The following AGPAT3 variants were observed in gnomAD, a reference collection of about 807,000 sequenced individuals.
AGPAT3 encodes the protein 1-acylglycerol-3-phosphate O-acyltransferase 3.
AGPAT3 carries 5 observed loss-of-function variants against 47.3 expected under a neutral mutation model. That is an observed-to-expected ratio of 0.11 (90% CI 0.06 to 0.22). AGPAT3 has a LOEUF of 0.22. AGPAT3 is among the 10% of genes least tolerant of loss of function. The pLI, the probability that AGPAT3 is intolerant of heterozygous loss-of-function variation, is 1.00. For missense variants in AGPAT3, 315 were observed against 493.0 expected (o/e 0.64, Z 3.42); for synonymous variants, 212 against 208.3 (o/e 1.02, Z -0.15).
At position 43,885,306 on chromosome 21, in the gene AGPAT3, T is replaced by C. The variant is rs563343198; in HGVS notation, c.-111-18651T>C. 3.3e-5 allele frequency among the ~76,000 whole-genome samples: 5 copies of C among 152,372 alleles called. No homozygotes were observed. The South Asian group carries it at 1.0e-3, about 32-fold the overall frequency. On this transcript the variant is annotated intron_variant, in intron 1 of 9. Coordinates refer to ENST00000291572, the MANE Select transcript of AGPAT3 (RefSeq NM_020132.5). ...CGGAGACTCACTTCTCTGCTTCGTG[T>C]GTTCCTAGTTGGTCTCCAGTTCTTG...
chr21:43,928,382 C>T (rs867815897), intron 2 of AGPAT3, among the ~76,000 whole-genome samples: 11 of 152,286 alleles, frequency 7.2e-5, no homozygotes, highest in Admixed American at 3.3e-4. Context: ...GGGGGGCAGC[C>T]GAGTTCTGTT....
chr21:43,967,689 C>A (rs973290114), intron 3 of AGPAT3: 3 of 460,784 alleles, frequency 6.5e-6, no homozygotes, highest in African/African-American at 2.0e-5. Context: ...CGTAATTGGG[C>A]GTAAAGATCA....
intron 1 of AGPAT3, among the ~76,000 whole-genome samples, chr21:43,903,063 A>G (rs1345427114): frequency 6.6e-6 from 1 of 152,222 alleles, no homozygotes; most frequent in East Asian, 1.9e-4. Context: ...CTGTAGTGGA[A>G]TATTATCCAG....
chr21:43,884,918 C>G (rs996462987), intron 1 of AGPAT3, among the ~76,000 whole-genome samples: 1 of 152,238 alleles, frequency 6.6e-6, no homozygotes, highest in Admixed American at 6.5e-5. Context: ...TCTGCTCTCT[C>G]CCTTCTCCCA....
chr21:43,958,569 CGT>C (rs1460510791), intron 2 of AGPAT3, among the ~76,000 whole-genome samples: 1 of 139,356 alleles, frequency 7.2e-6, no homozygotes, highest in East Asian at 2.2e-4. Context: ...GTGCGTGTGG[CGT>C]GTGTGTGGTT....
rs2030260138 is a variant in AGPAT3, at chr21:43,986,064, C to T, written c.*3672C>T. On this transcript the variant is annotated 3_prime_UTR_variant, in exon 10 of 10. Coordinates refer to ENST00000291572, the MANE Select transcript of AGPAT3 (RefSeq NM_020132.5). ...CCCTGGCTCTGCCCCATACCCCTGC[C>T]GTGGGGCCGACCTGGGGGATGCAGA... 2 of 152,252 alleles carry T rather than the reference C, an allele frequency of 1.3e-5. No individual in the cohort carries two copies. Among genetic ancestry groups the T allele is most frequent in the Admixed American group, 6.5e-5 (1 of 15,286 alleles). The allele number at this position is 152,252 out of a possible 1,614,324, so 9.4% of individuals were successfully genotyped here.
At chr21:43,921,452 G>A (rs575782981) in intron 2 of AGPAT3, among the ~76,000 whole-genome samples, 1 of 152,292 alleles carries the variant, frequency 6.6e-6, no homozygotes, top group East Asian at 1.9e-4. Flanking sequence ...CACAAGCTAG[G>A]ATCAGCATCC....
At chr21:43,898,935 C>A (rs1327050458) in intron 1 of AGPAT3, among the ~76,000 whole-genome samples, 1 of 151,574 alleles carries the variant, frequency 6.6e-6, no homozygotes, top group East Asian at 1.9e-4. Context: ...ACGCTGGTCT[C>A]AAATTCCTGA....
rs140291039 is a variant in AGPAT3, at chr21:43,921,888, G to C, written c.-49+17869G>C. Among the ~76,000 whole-genome samples the C allele has an allele frequency of 2.4e-3, 361 of 152,206 alleles. 4 individuals are homozygous for C. The East Asian group carries it at 0.056, about 24-fold the overall frequency. ...CACCCCAAGCTGGGTGTCTGGGGAC[G>C]GCGGGCCTGTCTCCCCCACCAAGGT... On this transcript the variant is annotated intron_variant, in intron 2 of 9. Coordinates refer to ENST00000291572, the MANE Select transcript of AGPAT3 (RefSeq NM_020132.5).
intron 2 of AGPAT3, among the ~76,000 whole-genome samples, chr21:43,941,750 C>A (rs567071282): frequency 6.6e-6 from 1 of 152,250 alleles, no homozygotes; most frequent in South Asian, 2.1e-4. Flanking sequence ...AGCGAGCGGG[C>A]GACTCTGGCA....
chr21:43,944,869 G>A (rs2087813386), intron 2 of AGPAT3, among the ~76,000 whole-genome samples: 1 of 152,250 alleles, frequency 6.6e-6, no homozygotes, highest in African/African-American at 2.4e-5. Context: ...AGAACAGCAA[G>A]TGCGGGAGGT....
intron 7 of AGPAT3, among the ~76,000 whole-genome samples, chr21:43,974,062 G>GGT (rs1038879622): frequency 4.6e-5 from 7 of 151,836 alleles, no homozygotes; most frequent in Non-Finnish European, 8.8e-5. Context: ...GGCATGTGTG[G>GGT]GTGTGTGTGT....
chr21:43,944,831 G>A (rs1329646546), intron 2 of AGPAT3, among the ~76,000 whole-genome samples: 1 of 152,252 alleles, frequency 6.6e-6, no homozygotes, highest in African/African-American at 2.4e-5. Flanking sequence ...CAGTGTCAGC[G>A]CTTTTCCATG....
At chr21:43,910,560 G>A (rs982973530) in intron 2 of AGPAT3, among the ~76,000 whole-genome samples, 6 of 152,194 alleles carry the variant, frequency 3.9e-5, no homozygotes, top group Non-Finnish European at 5.9e-5. Flanking sequence ...AAGGTGGAGC[G>A]GAGGGCCGAG....
In AGPAT3 at chr21:43,932,445, T is replaced by C. The variant is rs1234072482; in HGVS notation, c.-48-27189T>C. Among the ~76,000 whole-genome samples, 2 of 152,224 alleles carry C rather than the reference T, an allele frequency of 1.3e-5. No individual in the cohort carries two copies. Among genetic ancestry groups the C allele is most frequent in the Non-Finnish European group, 1.5e-5 (1 of 68,044 alleles). On this transcript the variant is annotated intron_variant, in intron 2 of 9. Coordinates refer to ENST00000291572, the MANE Select transcript of AGPAT3 (RefSeq NM_020132.5). This position sits in a 1 kb window ranked among gnomAD's most constrained non-coding sequence, Gnocchi z 5.2. ...GATGTTGCCAGTGACAGGACTTCCT[T>C]CTTCCTTATGGCTGAATAATAACAC...
chr21:43,899,011 C>T (rs756117041), intron 1 of AGPAT3, among the ~76,000 whole-genome samples: 10 of 152,190 alleles, frequency 6.6e-5, no homozygotes, highest in African/African-American at 9.7e-5. Flanking sequence ...CCACTCTGCC[C>T]GGCCTGATTA....
chr21:43,910,389 G>C (rs2086605708), intron 2 of AGPAT3, among the ~76,000 whole-genome samples: 1 of 152,236 alleles, frequency 6.6e-6, no homozygotes, highest in South Asian at 2.1e-4. Context: ...TCCTAATACA[G>C]TGAGGTGAAG....
At chr21:43,889,610 T>G (rs1203409061) in intron 1 of AGPAT3, among the ~76,000 whole-genome samples, 2 of 152,218 alleles carry the variant, frequency 1.3e-5, no homozygotes, top group Non-Finnish European at 2.9e-5. Flanking sequence ...GCACACACAT[T>G]TTTTGATTTC....
At chr21:43,899,011 C>A (rs756117041) in intron 1 of AGPAT3, among the ~76,000 whole-genome samples, 1 of 152,190 alleles carries the variant, frequency 6.6e-6, no homozygotes, top group Non-Finnish European at 1.5e-5. Flanking sequence ...CCACTCTGCC[C>A]GGCCTGATTA....
Sources: gnomAD v4.1 joint callset for allele counts (sites outside exome capture counted in the v4.1 genomes callset) on GRCh38, gnomAD v4.1.1 for gene constraint, Gnocchi (gnomAD v3.1) non-coding constraint, MANE v1.5 for transcripts, NCBI Gene and HGNC (gene_info 2026-07-23, HGNC 2026-07-21) for gene names.